HTRA3: variants seen among roughly 807,000 people sequenced by gnomAD.
The protein encoded by HTRA3 is HtrA serine peptidase 3.
A neutral mutation model predicts 43.2 loss-of-function variants in HTRA3; 41 were observed. The ratio of observed to expected loss-of-function variants is 0.95; its 90% CI spans 0.74 to 1.23. The LOEUF is 1.23. Among genes scored for constraint, HTRA3 ranks in the 50% most tolerant of loss-of-function variants. The pLI is 0.00. For missense variants in HTRA3, 628 were observed against 647.1 expected (o/e 0.97, Z 0.32); for synonymous variants, 295 against 287.9 (o/e 1.02, Z -0.25).
chr4:8,276,096 C>T (rs1712512488), intron 1 of HTRA3, among the ~76,000 whole-genome samples: 1 of 152,210 alleles, frequency 6.6e-6, no homozygotes, highest in Admixed American at 6.5e-5. Flanking sequence ...GCAGGTGACT[C>T]CCTGGAATTG....
Position 8,297,366 on chromosome 4 carries a change from C to T in HTRA3, c.1051+3165C>T, listed in dbSNP as rs1019108995. ...ATTACCAGGCCTCTGCTTTCCCGCC[C>T]GCACAGTGGGTCTAAGTCAGAGGGG... is the stretch of plus-strand genomic sequence containing the variant. On this transcript the variant is annotated intron_variant, in intron 6 of 8. Transcript: ENST00000307358. This position sits in a 1 kb window ranked among gnomAD's most constrained non-coding sequence, Gnocchi z 5.8. Among the ~76,000 whole-genome samples the T allele has an allele frequency of 2.0e-4, 30 of 152,166 alleles. No individual in the cohort carries two copies. The highest frequency in any genetic ancestry group is 7.0e-4 in the African/African-American group (29 of 41,444).
chr4:8,283,577 C>T (rs1179205947), intron 2 of HTRA3, among the ~76,000 whole-genome samples: 3 of 152,260 alleles, frequency 2.0e-5, no homozygotes, highest in Non-Finnish European at 2.9e-5. Flanking sequence ...TAGAGTGTTT[C>T]TCCCATCCAC....
In HTRA3 at chr4:8,291,413, G is replaced by A. The variant is rs769491504; in HGVS notation, c.752G>A (p.Arg251Gln). 30 of 1,613,412 alleles carry A rather than the reference G, an allele frequency of 1.9e-5. No homozygotes were observed. Among genetic ancestry groups the A allele is most frequent in the African/African-American group, 4.0e-5 (3 of 74,926 alleles). Reference protein sequence around the residue: ...VLLLGHSADLRPGEFVVAIGS... With the variant: ...VLLLGHSADLQPGEFVVAIGS... ...TTGCTGGGTCACTCGGCCGACCTGCGGCCTGGGGAGTTTGTGGTGGCCATC... is the reference window on the plus strand; with the variant it reads ...TTGCTGGGTCACTCGGCCGACCTGCAGCCTGGGGAGTTTGTGGTGGCCATC... Residue 251 changes from arginine (R) to glutamine (Q), a missense_variant, in exon 4 of 9, where the codon CGG (arginine) becomes CAG (glutamine). By Grantham distance (43) the Arg-to-Gln change is conservative. Transcript: ENST00000307358.
chr4:8,304,060 G>A, intron 7 of HTRA3, 124 bp from the exon 8 acceptor site: 2 of 676,734 alleles, frequency 3.0e-6, no homozygotes, highest in Non-Finnish European at 2.6e-6. Context: ...GTGGGACAGG[G>A]CAGTATGGGG....
At chr4:8,284,318 G>A (rs1440337039) in intron 2 of HTRA3, among the ~76,000 whole-genome samples, 4 of 152,228 alleles carry the variant, frequency 2.6e-5, no homozygotes, top group Admixed American at 6.5e-5. Flanking sequence ...CCTTCCAGGA[G>A]GTAGGGATGG....
chr4:8,282,482 C>T lies in HTRA3; in HGVS notation c.431C>T (p.Ala144Val). 6.2e-7 allele frequency: 1 copy of T among 1,614,150 alleles called. No individual in the cohort carries two copies. The highest frequency in any genetic ancestry group is 2.2e-5 in the East Asian group (1 of 44,886). ...CCGCGCTACAAGTTCAACTTCATTG[C>T]TGACGTGGTGGAGAAGATCGCACCA... ...SSPRYKFNFI[A>V]DVVEKIAPAV... Residue 144 changes from alanine (A) to valine (V), a missense_variant, in exon 2 of 9, where the codon GCT becomes GTT. Coordinates refer to ENST00000307358, the MANE Select transcript of HTRA3 (RefSeq NM_053044.5).
In HTRA3 at chr4:8,282,517, C is replaced by A; in HGVS notation, c.466C>A (p.His156Asn). The A allele has an allele frequency of 6.2e-7, 1 of 1,613,894 alleles. No homozygotes were observed. Among genetic ancestry groups the A allele is most frequent in the South Asian group, 1.1e-5 (1 of 91,070 alleles). The change falls in exon 2 of 9, where the codon CAC becomes AAC. Residue 156 changes from histidine (H) to asparagine (N), a missense_variant. His to Asn is a moderately conservative substitution (Grantham distance 68). Coordinates refer to ENST00000307358, the MANE Select transcript of HTRA3 (RefSeq NM_053044.5). ...GGAGAAGATCGCACCAGCCGTGGTC[C>A]ACATAGAGCTCTTCCTGAGGTGGGT... ...VVEKIAPAVV[H>N]IELFLRHPLF...
chr4:8,285,018 G>C (rs1712899889), intron 2 of HTRA3, among the ~76,000 whole-genome samples: 1 of 152,110 alleles, frequency 6.6e-6, no homozygotes, highest in Non-Finnish European at 1.5e-5. Context: ...TTGGGGGAGT[G>C]TCCCAGGCCC....
chr4:8,277,521 G>A (rs201847456), intron 1 of HTRA3, among the ~76,000 whole-genome samples: 14 of 152,346 alleles, frequency 9.2e-5, no homozygotes, highest in East Asian at 7.7e-4. Context: ...CACCACGCTT[G>A]CAAAGTCAGG....
intron 1 of HTRA3, among the ~76,000 whole-genome samples, chr4:8,275,410 A>T (rs1177609644): frequency 1.3e-5 from 2 of 152,016 alleles, no homozygotes; most frequent in Admixed American, 6.5e-5. Flanking sequence ...AGGCTTGGTG[A>T]CCCCAACCAC....
In HTRA3 at chr4:8,270,321, T is replaced by C; in HGVS notation, c.353T>C (p.Val118Ala). The C allele has an allele frequency of 6.9e-7, 1 of 1,450,344 alleles. No homozygotes were observed. Among genetic ancestry groups the C allele is most frequent in the South Asian group, 1.4e-5 (1 of 73,726 alleles). The allele number at this position is 1,450,344 out of a possible 1,614,324, so 89.8% of individuals were successfully genotyped here. The change falls in exon 1 of 9, where the codon GTG (valine) becomes GCG (alanine). Residue 118 changes from valine to alanine, a missense_variant. Physicochemically the swap from Val to Ala is moderately conservative, Grantham distance 64. Coordinates refer to ENST00000307358, the MANE Select transcript of HTRA3 (RefSeq NM_053044.5). The part of the protein sequence containing the change: ...RRALQLSGTP[V>A]RQLQKGACPL... ...GCGCTGCAGCTCTCCGGGACGCCCG[T>C]GCGCCAGCTGCAGAAGGGCGCCTGC...
At chr4:8,274,303 A>C (rs1481471381) in intron 1 of HTRA3, among the ~76,000 whole-genome samples, 2 of 151,830 alleles carry the variant, frequency 1.3e-5, no homozygotes, top group Non-Finnish European at 2.9e-5. Context: ...CTTCACCCGG[A>C]TGTCCCACCG....
chr4:8,290,413 C>T lies in HTRA3; in HGVS notation c.709-957C>T, dbSNP rs533237711. 3.3e-5 allele frequency among the ~76,000 whole-genome samples: 5 copies of T among 152,354 alleles called. No homozygotes were observed. The South Asian group carries it at 1.0e-3, about 32-fold the overall frequency. On this transcript the variant is annotated intron_variant, in intron 3 of 8. Transcript: ENST00000307358. Reference sequence around the variant, plus strand: ...ATCCAGAGGGTCAGAGGCATGGGGTCCTGCCCCACTGATCTCCTAAGTTGG... The same window carrying T: ...ATCCAGAGGGTCAGAGGCATGGGGTTCTGCCCCACTGATCTCCTAAGTTGG...
intron 3 of HTRA3, among the ~76,000 whole-genome samples, chr4:8,287,280 C>T (rs555276951): frequency 2.4e-4 from 37 of 152,284 alleles, no homozygotes; most frequent in African/African-American, 6.5e-4. Flanking sequence ...CTTCCTCCAC[C>T]GGCTGTTTCT....
chr4:8,289,124 AT>A (rs944380199), intron 3 of HTRA3, among the ~76,000 whole-genome samples: 1 of 149,446 alleles, frequency 6.7e-6, no homozygotes, highest in African/African-American at 2.5e-5. Context: ...TAATTTTTAA[AT>A]TTTTGGTAGA....
At chr4:8,304,413 G>A in intron 8 of HTRA3, 134 bp downstream of exon 8, 1 of 669,644 alleles carries the variant, frequency 1.5e-6, no homozygotes, top group Non-Finnish European at 2.6e-6. Flanking sequence ...ATTCTAGCGT[G>A]TCTGCTAAGC....
At position 8,279,248 on chromosome 4, in the gene HTRA3, G is replaced by GA. The variant is rs1448401207; in HGVS notation, c.386-3182dup. Among the ~76,000 whole-genome samples the GA allele has an allele frequency of 6.6e-6, 1 of 152,030 alleles. No homozygotes were observed. The highest frequency in any genetic ancestry group is 1.5e-5 in the Non-Finnish European group (1 of 67,980). On this transcript the variant is annotated intron_variant, in intron 1 of 8. Transcript: ENST00000307358. This position sits in a 1 kb window ranked among gnomAD's most constrained non-coding sequence, Gnocchi z 7.4. ...CTGTTTTATTTTCTCTTTGAAAAAT[G>GA]AAAAAAAGTCACTGTAACTTTACCC...
intron 1 of HTRA3, among the ~76,000 whole-genome samples, chr4:8,275,432 C>T (rs958557169): frequency 1.1e-4 from 17 of 152,226 alleles, no homozygotes; most frequent in Admixed American, 2.0e-4. Context: ...GCCTCCTGCC[C>T]ACATCACCAC....
chr4:8,292,459 T>C, intron 5 of HTRA3, 106 bp downstream of exon 5: 1 of 958,782 alleles, frequency 1.0e-6, no homozygotes, highest in Non-Finnish European at 1.6e-6. Flanking sequence ...TCCTAGAACA[T>C]TTACACCAAC....
Sources: gnomAD v4.1 joint callset for allele counts (sites outside exome capture counted in the v4.1 genomes callset) on GRCh38, gnomAD v4.1.1 for gene constraint, Gnocchi (gnomAD v3.1) non-coding constraint, MANE v1.5 for transcripts, NCBI Gene and HGNC (gene_info 2026-07-23, HGNC 2026-07-21) for gene names.